Variants in NRG1 observed in about 807,000 individuals in gnomAD.
NRG1 encodes the protein neuregulin 1.
NRG1 carries 18 observed loss-of-function variants against 63.8 expected under a neutral mutation model. The ratio of observed to expected loss-of-function variants is 0.28; its 90% CI spans 0.19 to 0.42. NRG1 has a LOEUF of 0.42. Ranked by LOEUF, NRG1 falls within the 10% of genes least tolerant of loss-of-function variation. NRG1 has a pLI of 1.00. For synonymous variants in NRG1, 302 were observed against 301.3 expected (o/e 1.00, Z -0.02); for missense variants, 762 against 814.7 (o/e 0.94, Z 0.79).
At chr8:32,688,917 T>C (rs1292092183) in intron 5 of NRG1, among the ~76,000 whole-genome samples, 1 of 152,194 alleles carries the variant, frequency 6.6e-6, no homozygotes, top group Admixed American at 6.5e-5. Context: ...TTGAATTGCA[T>C]TTGTTCTTAT....
At chr8:31,939,031 A>T (rs748154279) in intron 1 of NRG1, among the ~76,000 whole-genome samples, 1 of 152,206 alleles carries the variant, frequency 6.6e-6, no homozygotes, top group Non-Finnish European at 1.5e-5. Flanking sequence ...CTTGCTAAAG[A>T]TCTAGACATT....
At position 32,344,346 on chromosome 8, in the gene NRG1, C is replaced by CTT. The variant is rs1285806281; in HGVS notation, c.38-251480_38-251479dup. 7.8e-5 allele frequency among the ~76,000 whole-genome samples: 6 copies of CTT among 77,320 alleles called. No individual in the cohort carries two copies. In the East Asian group the frequency reaches 6.2e-3, roughly 80 times the overall value. The allele number at this position is 77,320 out of a possible 152,430, so 50.7% of individuals were successfully genotyped here. ...TTTCTCTTTCTTTCTTTCTTTCTTT[C>CTT]TTTCTTTCTTTCTTTCTTTCTTTCT... On this transcript the variant is annotated intron_variant, in intron 1 of 10. Transcript: ENST00000519301.
chr8:31,788,892 A>G (rs1820428266), intron 1 of NRG1, among the ~76,000 whole-genome samples: 1 of 152,252 alleles, frequency 6.6e-6, no homozygotes, highest in South Asian at 2.1e-4. Context: ...ATAGTGAGGC[A>G]GTATAACAAT....
intron 1 of NRG1, among the ~76,000 whole-genome samples, chr8:32,303,156 G>A (rs1306206932): frequency 4.7e-5 from 6 of 128,028 alleles, no homozygotes; most frequent in African/African-American, 1.8e-4. Context: ...ACTCCAGCTT[G>A]GGGCAGAAAG....
intron 1 of NRG1, among the ~76,000 whole-genome samples, chr8:32,080,664 A>G (rs1827306110): frequency 6.6e-6 from 1 of 152,016 alleles, no homozygotes. Flanking sequence ...CTGAGATGAT[A>G]TTTCCAGACT....
chr8:31,651,015 CCTT>C (rs1465391036), intron 1 of NRG1, among the ~76,000 whole-genome samples: 1 of 152,254 alleles, frequency 6.6e-6, no homozygotes, highest in South Asian at 2.1e-4. Context: ...ATAGAAATCT[CCTT>C]CTTCTGGAGC....
intron 1 of NRG1, among the ~76,000 whole-genome samples, chr8:31,647,887 T>C (rs547895880): frequency 6.6e-6 from 1 of 152,286 alleles, no homozygotes; most frequent in East Asian, 1.9e-4. Flanking sequence ...TTTATTCCGA[T>C]GAGCAGTTTA....
At chr8:32,632,078 T>TTA (rs1488008091) in intron 5 of NRG1, among the ~76,000 whole-genome samples, 1 of 152,196 alleles carries the variant, frequency 6.6e-6, no homozygotes, top group African/African-American at 2.4e-5. Context: ...GTTTATAAAC[T>TTA]TATGGCATTA....
At chr8:32,638,778 C>T (rs1054281933) in intron 5 of NRG1, among the ~76,000 whole-genome samples, 1 of 152,046 alleles carries the variant, frequency 6.6e-6, no homozygotes, top group African/African-American at 2.4e-5. Flanking sequence ...AAAATTGTAA[C>T]AATTTTCTGT....
rs1199596719 is a variant in NRG1, at chr8:32,065,859, CT to C, written c.37+426433del. ...CTCTCTGGCACCTGTTGTTTACTGA[CT>C]TTTTAATGATCACCATTCTAATTGG... On this transcript the variant is annotated intron_variant, in intron 1 of 10. Coordinates refer to the NRG1 transcript ENST00000519301. 2.0e-5 allele frequency among the ~76,000 whole-genome samples: 3 copies of C among 152,316 alleles called. No homozygotes were observed. The East Asian group carries it at 5.8e-4, about 29-fold the overall frequency.
chr8:31,969,504 C>G (rs1298300928), intron 1 of NRG1, among the ~76,000 whole-genome samples: 1 of 152,134 alleles, frequency 6.6e-6, no homozygotes. Context: ...AGGGGCCCTG[C>G]CTGATCTACA....
At chr8:32,768,833 C>A (rs1589675824), downstream of NRG1, among the ~76,000 whole-genome samples, 1 of 152,126 alleles carries the variant, frequency 6.6e-6, no homozygotes, top group Non-Finnish European at 1.5e-5. Context: ...TTGGGGGTAA[C>A]CTGAGACTTC....
At chr8:32,276,331 A>C (rs1016392846) in intron 1 of NRG1, among the ~76,000 whole-genome samples, 7 of 152,170 alleles carry the variant, frequency 4.6e-5, no homozygotes, top group Admixed American at 4.6e-4. Flanking sequence ...TTTAGTTAAC[A>C]TGATGTTCTT....
intron 1 of NRG1, among the ~76,000 whole-genome samples, chr8:32,197,029 G>C (rs1023824805): frequency 7.6e-6 from 1 of 130,970 alleles, no homozygotes; most frequent in Non-Finnish European, 1.6e-5. Context: ...GCGCGATCTT[G>C]GCTCACTGCA....
chr8:32,137,914 A>G (rs1455719458), intron 1 of NRG1, among the ~76,000 whole-genome samples: 1 of 152,144 alleles, frequency 6.6e-6, no homozygotes, highest in Non-Finnish European at 1.5e-5. Context: ...GCAGCTTTGT[A>G]TTAAGATTGT....
intron 1 of NRG1, among the ~76,000 whole-genome samples, chr8:32,166,324 G>A (rs947069262): frequency 1.3e-5 from 2 of 152,134 alleles, no homozygotes; most frequent in Admixed American, 1.3e-4. Flanking sequence ...TCCTGGGTTA[G>A]ACAGTGGCCA....
At chr8:32,646,745 C>G in intron 5 of NRG1, 1 of 985,334 alleles carries the variant, frequency 1.0e-6, no homozygotes, top group Non-Finnish European at 1.2e-6. Context: ...TTAACTGATG[C>G]CTGCCTGCCT....
At chr8:32,633,416 A>G (rs1850702452) in intron 5 of NRG1, among the ~76,000 whole-genome samples, 1 of 152,210 alleles carries the variant, frequency 6.6e-6, no homozygotes, top group Admixed American at 6.6e-5. Flanking sequence ...TTGCCTGGGC[A>G]TGATCCCTTC....
chr8:32,385,541 T>A (rs1810904138), intron 1 of NRG1, among the ~76,000 whole-genome samples: 1 of 151,964 alleles, frequency 6.6e-6, no homozygotes, highest in African/African-American at 2.4e-5. Flanking sequence ...CCTAGGGAAA[T>A]TTACAATCAT....
Sources: gnomAD v4.1 joint callset for allele counts (sites outside exome capture counted in the v4.1 genomes callset) on GRCh38, gnomAD v4.1.1 for gene constraint, MANE v1.5 for transcripts, NCBI Gene and HGNC (gene_info 2026-07-23, HGNC 2026-07-21) for gene names.